The following ARHGEF3 variants were observed in gnomAD, a reference collection of about 807,000 sequenced individuals.
The protein encoded by ARHGEF3 is 59.8 kDA protein.
A neutral mutation model predicts 63.2 loss-of-function variants in ARHGEF3; 28 were observed. The observed-to-expected ratio is 0.44, with a 90% CI of 0.33 to 0.61. The LOEUF (loss-of-function observed/expected upper bound fraction) is 0.61. Among genes scored for constraint, ARHGEF3 ranks in the 20% least tolerant of loss-of-function variants. The pLI is 0.03. For missense variants in ARHGEF3, 533 were observed against 659.3 expected (o/e 0.81, Z 2.10); for synonymous variants, 266 against 254.2 (o/e 1.05, Z -0.44).
At chr3:56,751,546 G>A in intron 4 of ARHGEF3, 150 bp from the exon 5 acceptor site, 2 of 663,584 alleles carry the variant, frequency 3.0e-6, no homozygotes, top group Non-Finnish European at 2.6e-6. Flanking sequence ...ACAGCAGAGA[G>A]GTGTGGCTGG....
At chr3:56,924,831 C>T in intron 3 of ARHGEF3, among the ~76,000 whole-genome samples, 1 of 152,200 alleles carries the variant, frequency 6.6e-6, no homozygotes, top group East Asian at 1.9e-4. Context: ...ACTTAGAATG[C>T]CTTAACTGTC....
intron 4 of ARHGEF3, among the ~76,000 whole-genome samples, chr3:56,809,715 T>A (rs1055347266): frequency 2.6e-5 from 4 of 151,488 alleles, no homozygotes; most frequent in African/African-American, 9.7e-5. Context: ...ATTTAATTTT[T>A]AAAATATTTT....
intron 7 of ARHGEF3, 134 bp from the exon 8 acceptor site, chr3:56,737,489 A>G: frequency 1.8e-6 from 1 of 556,200 alleles, no homozygotes; most frequent in Non-Finnish European, 2.8e-6. Flanking sequence ...CTACTTTGGG[A>G]AAAGAGAAAA....
At chr3:57,038,443 C>G (rs1704049639) in intron 1 of ARHGEF3, among the ~76,000 whole-genome samples, 1 of 151,934 alleles carries the variant, frequency 6.6e-6, no homozygotes, top group South Asian at 2.1e-4. Context: ...GGGTTTCATA[C>G]CATTGTTTTG....
At chr3:56,826,558 A>G (rs1438132746) in intron 4 of ARHGEF3, among the ~76,000 whole-genome samples, 1 of 152,210 alleles carries the variant, frequency 6.6e-6, no homozygotes, top group African/African-American at 2.4e-5. Flanking sequence ...TCATAACGAT[A>G]TCAAAGAGAA....
intron 3 of ARHGEF3, chr3:56,938,549 A>T (rs1699018310): frequency 6.6e-6 from 1 of 152,238 alleles, no homozygotes; most frequent in Non-Finnish European, 1.5e-5. Flanking sequence ...ATCTGGTTAC[A>T]CTAAATATGC....
chr3:57,070,460 C>T (rs747571577), intron 1 of ARHGEF3, among the ~76,000 whole-genome samples: 1 of 152,150 alleles, frequency 6.6e-6, no homozygotes, highest in African/African-American at 2.4e-5. Flanking sequence ...TCAGCAGACT[C>T]AATGACTAGG....
rs375317766 is a variant in ARHGEF3, at chr3:56,829,300, G to C, written c.192+52992C>G. Among the ~76,000 whole-genome samples the C allele has an allele frequency of 1.5e-3, 223 of 152,228 alleles. 1 individual carries two copies. Among genetic ancestry groups the C allele is most frequent in the Non-Finnish European group, 2.5e-3 (168 of 68,010 alleles). The stretch of plus-strand genomic sequence containing the variant: ...AAGACATGTCTTTGGCAGTGAACGT[G>C]GGCTCTCATGCAAGCTATCTGAGCT... On this transcript the variant is annotated intron_variant, in intron 4 of 12. Transcript: ENST00000338458.
At chr3:56,835,886 C>T (rs2039091020) in intron 4 of ARHGEF3, among the ~76,000 whole-genome samples, 1 of 152,206 alleles carries the variant, frequency 6.6e-6, no homozygotes, top group Admixed American at 6.5e-5. Context: ...CATGCACCTC[C>T]ACACAGACTT....
rs76273124 is a variant in ARHGEF3, at chr3:56,966,823, C to A, written c.63-7934G>T. Among the ~76,000 whole-genome samples the A allele has an allele frequency of 4.7e-3, 707 of 151,504 alleles. 9 individuals carry two copies. Among genetic ancestry groups the A allele is most frequent in the African/African-American group, 0.016 (676 of 41,358 alleles). On this transcript the variant is annotated intron_variant, in intron 2 of 12. Coordinates refer to the ARHGEF3 transcript ENST00000338458. ...ACTGAAACTCTTCTCAACCATTCTCCACCCTCTGTCAGCCTTTTTTTTTTT... is the reference window on the plus strand; with the variant it reads ...ACTGAAACTCTTCTCAACCATTCTCAACCCTCTGTCAGCCTTTTTTTTTTT...
chr3:56,806,706 A>T (rs1253400472), upstream of ARHGEF3, among the ~76,000 whole-genome samples: 1 of 152,204 alleles, frequency 6.6e-6, no homozygotes, highest in African/African-American at 2.4e-5. Context: ...AGACTTGCAG[A>T]CAACCAGGCA....
At chr3:56,934,788 G>A (rs374524684) in intron 3 of ARHGEF3, among the ~76,000 whole-genome samples, 5 of 152,250 alleles carry the variant, frequency 3.3e-5, no homozygotes, top group African/African-American at 9.6e-5. Flanking sequence ...CCTCCCCGAC[G>A]AGCGCCACCC....
intron 3 of ARHGEF3, among the ~76,000 whole-genome samples, chr3:56,883,584 A>G (rs1251460768): frequency 1.2e-4 from 19 of 152,232 alleles, no homozygotes; most frequent in Non-Finnish European, 1.2e-4. Flanking sequence ...GGAGTGAACC[A>G]TTGAGCCTGG....
chr3:56,772,813 A>T (rs2036077896), intron 2 of ARHGEF3, among the ~76,000 whole-genome samples: 1 of 152,212 alleles, frequency 6.6e-6, no homozygotes, highest in South Asian at 2.1e-4. Flanking sequence ...AAATCTTTAC[A>T]ATGATTCCAT....
intron 1 of ARHGEF3, among the ~76,000 whole-genome samples, chr3:56,786,352 CTG>C (rs1289806006): frequency 6.6e-6 from 1 of 152,178 alleles, no homozygotes; most frequent in African/African-American, 2.4e-5. Flanking sequence ...GTTCAGGAAA[CTG>C]TGAGGTAAGT....
rs1165481161 is a variant in ARHGEF3, at chr3:56,931,957, T to TTTG, written c.129+26863_129+26865dup. Among the ~76,000 whole-genome samples, 13 of 152,310 alleles carry TTTG rather than the reference T, an allele frequency of 8.5e-5. No individual in the cohort carries two copies. In the East Asian group the frequency reaches 2.3e-3, roughly 27 times the overall value. Reference sequence around the variant, plus strand: ...ATCCAAGTAAGATTTATGGGGTTTTTTTGTTGTTGTTGTTGCTGTTAGAAA... The same window carrying TTTG: ...ATCCAAGTAAGATTTATGGGGTTTTTTTGTTGTTGTTGTTGTTGCTGTTAGAAA... On this transcript the variant is annotated intron_variant, in intron 3 of 12. Transcript: ENST00000338458.
At chr3:56,774,920 C>T in intron 1 of ARHGEF3, 2 of 1,187,442 alleles carry the variant, frequency 1.7e-6, no homozygotes, top group Non-Finnish European at 2.2e-6. Flanking sequence ...CAAACAACAA[C>T]AACAACAAAA....
intron 2 of ARHGEF3, among the ~76,000 whole-genome samples, chr3:56,994,285 G>A (rs996548497): frequency 3.9e-5 from 6 of 151,992 alleles, no homozygotes; most frequent in Non-Finnish European, 7.4e-5. Flanking sequence ...GCAAGGAAAC[G>A]AGGTTTAACT....
Position 56,737,227 on chromosome 3 carries a change from T to G in ARHGEF3, c.999A>C (p.Arg333=), listed in dbSNP as rs2033686880. ...TCAGTTCACCATGACAACACAAGACTCGAGAGCTGTCGATCAGGGAGTCTT... is the reference window on the plus strand; with the variant it reads ...TCAGTTCACCATGACAACACAAGACGCGAGAGCTGTCGATCAGGGAGTCTT... ...GQKDSLIDSS[R]VLCCHGELKN... Residue 333 remains arginine (R), a synonymous_variant, in exon 8 of 10, where the codon CGA becomes CGC. Transcript: ENST00000296315. The G allele has an allele frequency of 6.2e-7, 1 of 1,614,012 alleles. No individual in the cohort carries two copies. The highest frequency in any genetic ancestry group is 1.3e-5 in the African/African-American group (1 of 74,926).
Sources: gnomAD v4.1 joint callset for allele counts (sites outside exome capture counted in the v4.1 genomes callset) on GRCh38, gnomAD v4.1.1 for gene constraint, MANE v1.5 for transcripts, NCBI Gene and HGNC (gene_info 2026-07-23, HGNC 2026-07-21) for gene names.